The following WIZ variants were observed in gnomAD, a reference collection of about 807,000 sequenced individuals.
WIZ encodes the protein protein Wiz.
A neutral mutation model predicts 140.2 loss-of-function variants in WIZ; 25 were observed. The ratio of observed to expected loss-of-function variants is 0.18; its 90% CI spans 0.13 to 0.25. The LOEUF (loss-of-function observed/expected upper bound fraction) is 0.25, where lower values mean the gene tolerates loss of function less well. Ranked by LOEUF, WIZ falls within the 10% of genes least tolerant of loss-of-function variation. WIZ has a pLI of 1.00. For synonymous variants in WIZ, 1,125 were observed against 1,154.3 expected (o/e 0.97, Z 0.51); for missense variants, 2,231 against 2,632.6 (o/e 0.85, Z 3.34).
chr19:15,427,915 G>A lies in WIZ; in HGVS notation c.3814+195C>T, dbSNP rs1016747068. On this transcript the variant is annotated intron_variant, in intron 8 of 12. Coordinates refer to ENST00000673675, the MANE Select transcript of WIZ (RefSeq NM_001371589.1). The surrounding 1 kb of genome is among the most constrained non-coding windows in gnomAD (Gnocchi z 6.4). Reference sequence around the variant, plus strand: ...CTCCCCACCTTGGCCTTCATTCTCAGGAAGGGTCATGGAGGTCAAAGGCCA... The same window carrying A: ...CTCCCCACCTTGGCCTTCATTCTCAAGAAGGGTCATGGAGGTCAAAGGCCA... Among the ~76,000 whole-genome samples the A allele has an allele frequency of 6.6e-6, 1 of 152,212 alleles. No homozygotes were observed.
intron 9 of WIZ, 21 bp from the exon 10 acceptor site, chr19:15,425,789 G>C (rs749671668): frequency 5.7e-6 from 8 of 1,403,074 alleles, no homozygotes; most frequent in Non-Finnish European, 7.4e-6. Context: ...TCCAGGGTAG[G>C]GGGAAGGAGG....
chr19:15,427,599 G>A lies in WIZ; in HGVS notation c.3815-66C>T, dbSNP rs1968926589. 1 of 1,518,238 alleles carries A rather than the reference G, an allele frequency of 6.6e-7. No homozygotes were observed. The highest frequency in any genetic ancestry group is 2.0e-5 in the Admixed American group (1 of 50,938). 94.0% of individuals were successfully genotyped at this position (1,518,238 alleles called of 1,614,324 possible). A position where few individuals can be genotyped will look rare whatever the true frequency, so the allele number is the denominator to read the frequency against. ...TGCCAGCATGGTCACCTGCAGGAGT[G>A]TCCTGGTCGGCTGGGCGTGGGCGGC... On this transcript the variant is annotated intron_variant, in intron 8 of 12. Coordinates refer to ENST00000673675, the MANE Select transcript of WIZ (RefSeq NM_001371589.1). This position sits in a 1 kb window ranked among gnomAD's most constrained non-coding sequence, Gnocchi z 6.4.
rs369017897 is a variant in WIZ, at chr19:15,437,080, G to A, written c.2466C>T (p.Cys822=). ...CGGCCCGTGTGTCGAAGCCAGCCCC[G>A]CAGAAGTCACAGCGCATCAGGCTGA... ...GTFSLMRCDF[C]GAGFDTRAGL... is the part of the protein sequence containing the mutation. Residue 822 remains cysteine, a synonymous_variant, in exon 5 of 13, where the codon TGC becomes TGT. Transcript: ENST00000673675. The A allele has an allele frequency of 6.8e-6, 11 of 1,612,702 alleles. No homozygotes were observed. Among genetic ancestry groups the A allele is most frequent in the East Asian group, 6.7e-5 (3 of 44,850 alleles).
intron 7 of WIZ, 105 bp downstream of exon 7, chr19:15,429,481 A>ACC: frequency 4.0e-5 from 31 of 774,582 alleles, no homozygotes; most frequent in South Asian, 8.7e-5. Context: ...TGTAGTCCCC[A>ACC]CCGCCCCCAC....
rs752631156 is a variant in WIZ at position 15,437,041 on chromosome 19, G to A, written c.2505C>T (p.His835=). 1.3e-5 allele frequency: 21 copies of A among 1,613,626 alleles called. No individual in the cohort carries two copies. Among genetic ancestry groups the A allele is most frequent in the East Asian group, 6.7e-5 (3 of 44,852 alleles). ...GFDTRAGLSS[H]ARAHLRDFGI... Reference sequence around the variant, plus strand: ...CGAAGTCACGTAGGTGGGCCCGGGCGTGGCTGGAGAGGCCGGCCCGTGTGT... The same window carrying A: ...CGAAGTCACGTAGGTGGGCCCGGGCATGGCTGGAGAGGCCGGCCCGTGTGT... Residue 835 remains histidine, a synonymous_variant, in exon 5 of 13, where the codon CAC becomes CAT. Transcript: ENST00000673675.
rs762635112 is a variant in WIZ, at chr19:15,428,241, G to T, written c.3683C>A (p.Pro1228Gln). The T allele has an allele frequency of 5.0e-5, 76 of 1,527,370 alleles. No homozygotes were observed. Among genetic ancestry groups the T allele is most frequent in the Admixed American group, 1.8e-4 (9 of 49,890 alleles). The allele number at this position is 1,527,370 out of a possible 1,614,324, so 94.6% of individuals were successfully genotyped here. The change falls in exon 8 of 13, where the codon CCA (proline) becomes CAA (glutamine). Residue 1228 changes from proline (P) to glutamine (Q), a missense_variant. This residue lies in a region of WIZ where 141 missense variants were observed against 161.2 expected (regional missense o/e 0.87). Transcript: ENST00000673675. This position sits in a 1 kb window ranked among gnomAD's most constrained non-coding sequence, Gnocchi z 6.4. ...CAGCTTGGCCTTCTTGGCCGGCGGT[G>T]GGGGGGGAAGCAAGGAGAGGGCCGC... Reference protein sequence around the residue: ...TSAALSLLPPPPPAKKAKLKA... With the variant: ...TSAALSLLPPQPPAKKAKLKA...
intron 6 of WIZ, 78 bp from the exon 7 acceptor site, chr19:15,430,167 G>T: frequency 7.0e-7 from 1 of 1,436,596 alleles, no homozygotes; most frequent in Non-Finnish European, 9.1e-7. Context: ...TCCCCTGAGA[G>T]TCCCACTCAC....
intron 2 of WIZ, among the ~76,000 whole-genome samples, chr19:15,443,196 T>C (rs138920595): frequency 0.029 from 4,415 of 152,302 alleles, 209 homozygotes; most frequent in African/African-American, 0.099. Context: ...CTTAGCCTCC[T>C]GAGTAGCTGG....
chr19:15,447,435 T>C (rs1460573140), intron 2 of WIZ, among the ~76,000 whole-genome samples: 1 of 152,236 alleles, frequency 6.6e-6, no homozygotes, highest in Non-Finnish European at 1.5e-5. Context: ...TTCTGATATT[T>C]GTTTAGTTGC....
Position 15,424,448 on chromosome 19 carries a change from G to C in WIZ, c.5315-70C>G, listed in dbSNP as rs1213586563. The C allele has an allele frequency of 1.9e-6, 3 of 1,559,058 alleles. No homozygotes were observed. The highest frequency in any genetic ancestry group is 2.3e-5 in the East Asian group (1 of 43,476). ...CTGCAGAGACTTGGAATACACAAGA[G>C]CTGAGGACTGATGCTACCTGGATGG... On this transcript the variant is annotated intron_variant, in intron 11 of 12. Transcript: ENST00000673675. The surrounding 1 kb of genome is among the most constrained non-coding windows in gnomAD (Gnocchi z 9.7).
chr19:15,444,493 C>T (rs536843712), intron 2 of WIZ, among the ~76,000 whole-genome samples: 2 of 152,270 alleles, frequency 1.3e-5, no homozygotes, highest in African/African-American at 4.8e-5. Flanking sequence ...GCATCCTTGG[C>T]CTCCACACCT....
intron 4 of WIZ, among the ~76,000 whole-genome samples, chr19:15,437,885 C>T (rs778557912): frequency 6.6e-6 from 1 of 152,130 alleles, no homozygotes; most frequent in Non-Finnish European, 1.5e-5. Context: ...CTCAGCTTCC[C>T]CAGCCTCCTG....
chr19:15,448,418 C>G, intron 1 of WIZ, 51 bp from the exon 2 acceptor site: 2 of 1,335,728 alleles, frequency 1.5e-6, no homozygotes, highest in Non-Finnish European at 2.0e-6. Flanking sequence ...AGGGAATCTG[C>G]CTCAGTTTCC....
At position 15,442,799 on chromosome 19, in the gene WIZ, C is replaced by T; in HGVS notation, c.206-51G>A. On this transcript the variant is annotated intron_variant, in intron 2 of 12. Coordinates refer to ENST00000673675, the MANE Select transcript of WIZ (RefSeq NM_001371589.1). The surrounding 1 kb of genome is among the most constrained non-coding windows in gnomAD (Gnocchi z 5.5). Reference sequence around the variant, plus strand: ...GGGGCTGGGGTCCCCCTGGCCGGGGCCCTCCACACCCCAGCTCCAGGAGCC... The same window carrying T: ...GGGGCTGGGGTCCCCCTGGCCGGGGTCCTCCACACCCCAGCTCCAGGAGCC... 2.7e-6 allele frequency: 3 copies of T among 1,115,522 alleles called. No homozygotes were observed. Among genetic ancestry groups the T allele is most frequent in the Non-Finnish European group, 3.4e-6 (3 of 881,570 alleles). The allele number at this position is 1,115,522 out of a possible 1,614,324, so 69.1% of individuals were successfully genotyped here.
At position 15,428,909 on chromosome 19, in the gene WIZ, C is replaced by T. The variant is rs1225238129; in HGVS notation, c.3416-401G>A. Among the ~76,000 whole-genome samples, 3 of 152,186 alleles carry T rather than the reference C, an allele frequency of 2.0e-5. No individual in the cohort carries two copies. The highest frequency in any genetic ancestry group is 2.9e-5 in the Non-Finnish European group (2 of 68,030). On this transcript the variant is annotated intron_variant, in intron 7 of 12. Transcript: ENST00000673675. The surrounding 1 kb of genome is among the most constrained non-coding windows in gnomAD (Gnocchi z 6.4). ...CTCAGTGGAAGCAACTTCAAGGGAA[C>T]ATAAGGTGCCAAATGGGGGGCTCCA...
At chr19:15,448,012 C>A in intron 2 of WIZ, 91 bp downstream of exon 2, 1 of 1,460,504 alleles carries the variant, frequency 6.8e-7, no homozygotes. Flanking sequence ...CATCCCAGCT[C>A]AGCCGCTGCT....
At chr19:15,448,055 G>A (rs1969979342) in intron 2 of WIZ, 48 bp downstream of exon 2, 3 of 1,603,028 alleles carry the variant, frequency 1.9e-6, no homozygotes, top group South Asian at 1.1e-5. Context: ...CTGAGCCTTG[G>A]GGAATGGGCT....
At chr19:15,432,720 C>A (rs939425013) in intron 5 of WIZ, among the ~76,000 whole-genome samples, 1 of 150,856 alleles carries the variant, frequency 6.6e-6, no homozygotes, top group Non-Finnish European at 1.5e-5. Flanking sequence ...CTCCGGCGCA[C>A]GCGGGGCGGC....
At chr19:15,430,239 A>G (rs1455785738) in intron 6 of WIZ, 150 bp from the exon 7 acceptor site, 1 of 1,182,196 alleles carries the variant, frequency 8.5e-7, no homozygotes, top group Admixed American at 3.0e-5. Context: ...TGACCCTAAC[A>G]ACGCAGAGAA....
Sources: allele counts gnomAD v4.1 joint callset (sites outside exome capture counted in the v4.1 genomes callset), GRCh38; gene constraint gnomAD v4.1.1; regional missense constraint gnomAD v4.1.1; non-coding constraint Gnocchi (gnomAD v3.1); transcripts MANE v1.5; gene names NCBI Gene and HGNC (gene_info 2026-07-23, HGNC 2026-07-21).